The following RAD51B variants were observed in gnomAD, a reference collection of about 807,000 sequenced individuals.
RAD51B encodes RAD51 paralog B, also known as DNA repair protein RAD51 homolog 2.
Under a neutral mutation model 42.2 loss-of-function variants are expected in RAD51B, and 38 were observed. The observed-to-expected ratio is 0.90, with a 90% CI of 0.70 to 1.18. RAD51B has a LOEUF of 1.18. RAD51B is among the 50% of genes most tolerant of loss of function. RAD51B has a pLI of 0.00. For missense variants in RAD51B, 373 were observed against 400.7 expected (o/e 0.93, Z 0.59); for synonymous variants, 154 against 145.2 (o/e 1.06, Z -0.43).
chr14:68,610,965 T>C (rs1056572020), intron 10 of RAD51B: 3 of 696,134 alleles, frequency 4.3e-6, no homozygotes, highest in Admixed American at 2.0e-5. Context: ...TTAATAAAAG[T>C]TTGTTGCATT....
intron 3 of RAD51B, among the ~76,000 whole-genome samples, chr14:67,832,398 T>C (rs1291576914): frequency 6.6e-6 from 1 of 152,230 alleles, no homozygotes; most frequent in Non-Finnish European, 1.5e-5. Context: ...AGGTATTTGG[T>C]GTATATTGTT....
chr14:68,664,629 C>G (rs1459507600), intron 11 of RAD51B, among the ~76,000 whole-genome samples: 3 of 152,152 alleles, frequency 2.0e-5, no homozygotes, highest in Non-Finnish European at 4.4e-5. Flanking sequence ...TTCCTCACCC[C>G]GGGATACCTA....
chr14:68,658,295 G>T (rs1249905272), intron 11 of RAD51B, among the ~76,000 whole-genome samples: 4 of 152,242 alleles, frequency 2.6e-5, no homozygotes, highest in African/African-American at 9.6e-5. Context: ...AGTGGGGGCT[G>T]CCCGGACCGA....
chr14:68,010,187 A>G (rs2075660013), intron 7 of RAD51B, among the ~76,000 whole-genome samples: 1 of 151,844 alleles, frequency 6.6e-6, no homozygotes, highest in African/African-American at 2.4e-5. Flanking sequence ...CTTTATATCT[A>G]ATTGGAACCT....
At chr14:68,258,614 G>A (rs1479648692) in intron 7 of RAD51B, among the ~76,000 whole-genome samples, 2 of 151,904 alleles carry the variant, frequency 1.3e-5, no homozygotes, top group Admixed American at 6.6e-5. Flanking sequence ...CTAATAAAAT[G>A]GGGTGTGTGT....
At chr14:67,889,518 T>C (rs2140061002) in intron 7 of RAD51B, among the ~76,000 whole-genome samples, 1 of 148,176 alleles carries the variant, frequency 6.7e-6, no homozygotes, top group East Asian at 1.9e-4. Flanking sequence ...AATATAAATA[T>C]ATAAAAATAA....
chr14:68,245,966 A>G (rs1216029701), intron 7 of RAD51B, among the ~76,000 whole-genome samples: 1 of 152,114 alleles, frequency 6.6e-6, no homozygotes, highest in East Asian at 1.9e-4. Flanking sequence ...AAAATGGCCA[A>G]AATGAATGAG....
At chr14:68,435,855 C>T (rs767021559) in intron 9 of RAD51B, among the ~76,000 whole-genome samples, 1 of 152,044 alleles carries the variant, frequency 6.6e-6, no homozygotes, top group Non-Finnish European at 1.5e-5. Context: ...GTATTTTGCC[C>T]ATTTTTTAAT....
chr14:68,457,164 C>T (rs1418451449), intron 9 of RAD51B, among the ~76,000 whole-genome samples: 2 of 151,870 alleles, frequency 1.3e-5, no homozygotes, highest in Non-Finnish European at 2.9e-5. Flanking sequence ...CTGCTCACCT[C>T]GGCCTCCCAA....
chr14:67,821,259 A>C (rs1047420558), intron 1 of RAD51B, among the ~76,000 whole-genome samples: 1 of 152,168 alleles, frequency 6.6e-6, no homozygotes, highest in Admixed American at 6.5e-5. Context: ...AATATGCTTA[A>C]ATGATTCTTG....
intron 9 of RAD51B, among the ~76,000 whole-genome samples, chr14:68,438,249 A>G (rs2085194999): frequency 6.6e-6 from 1 of 152,162 alleles, no homozygotes; most frequent in Non-Finnish European, 1.5e-5. Context: ...GAACCAAGAC[A>G]GTGGATATTG....
At chr14:68,369,760 G>A (rs2083215058) in intron 8 of RAD51B, among the ~76,000 whole-genome samples, 1 of 152,222 alleles carries the variant, frequency 6.6e-6, no homozygotes, top group Non-Finnish European at 1.5e-5. Flanking sequence ...AGGTTGCTGA[G>A]TTGGAGACCA....
At chr14:68,041,974 A>C (rs1377841575) in intron 7 of RAD51B, among the ~76,000 whole-genome samples, 1 of 152,180 alleles carries the variant, frequency 6.6e-6, no homozygotes, top group African/African-American at 2.4e-5. Flanking sequence ...GGAAACAGTC[A>C]AAGTGCTGGG....
chr14:68,522,915 T>A (rs772938883), intron 10 of RAD51B, among the ~76,000 whole-genome samples: 40 of 152,176 alleles, frequency 2.6e-4, no homozygotes, highest in Non-Finnish European at 2.9e-4. Context: ...AGGAACAACC[T>A]CTGCATCAGC....
chr14:68,136,113 C>A (rs1267095420), intron 7 of RAD51B, among the ~76,000 whole-genome samples: 1 of 152,082 alleles, frequency 6.6e-6, no homozygotes, highest in Non-Finnish European at 1.5e-5. Context: ...GTGACTTGCC[C>A]AAACATAGGA....
chr14:67,823,580 C>T lies in RAD51B; in HGVS notation c.37C>T (p.Gln13Ter), dbSNP rs775525033. 3.7e-6 allele frequency: 6 copies of T among 1,613,804 alleles called. No individual in the cohort carries two copies. In the South Asian group the frequency reaches 5.5e-5, roughly 15 times the overall value. The change falls in exon 2 of 11, where the codon CAA becomes TAA. Residue 13 changes from glutamine (Q) to a stop codon, truncating the protein, a stop_gained. Transcript: ENST00000471583. LOFTEE classifies it high-confidence loss of function. ...SKKLKRVGLS[Q>*]ELCDRLSRHQ... Reference sequence around the variant, plus strand: ...GAAACTAAAACGAGTGGGTTTATCACAAGAGCTGTGTGACCGTCTGAGTAG... The same window carrying T: ...GAAACTAAAACGAGTGGGTTTATCATAAGAGCTGTGTGACCGTCTGAGTAG...
At chr14:68,160,646 A>G (rs2078618667) in intron 7 of RAD51B, among the ~76,000 whole-genome samples, 1 of 152,172 alleles carries the variant, frequency 6.6e-6, no homozygotes, top group Non-Finnish European at 1.5e-5. Context: ...TTGACTACTG[A>G]GTTTTTTAGT....
At chr14:68,502,693 A>C (rs1286014306) in intron 10 of RAD51B, among the ~76,000 whole-genome samples, 1 of 152,102 alleles carries the variant, frequency 6.6e-6, no homozygotes, top group Non-Finnish European at 1.5e-5. Flanking sequence ...GCACCAGGGG[A>C]TTTGTGGGAA....
At chr14:68,050,672 AT>A (rs779427134) in intron 7 of RAD51B, among the ~76,000 whole-genome samples, 8 of 151,888 alleles carry the variant, frequency 5.3e-5, no homozygotes, top group Non-Finnish European at 1.0e-4. Flanking sequence ...TAAAATGCAG[AT>A]TTTTTTTGGA....
Sources: allele counts gnomAD v4.1 joint callset (sites outside exome capture counted in the v4.1 genomes callset), GRCh38; gene constraint gnomAD v4.1.1; transcripts MANE v1.5; gene names NCBI Gene and HGNC (gene_info 2026-07-23, HGNC 2026-07-21).